Variants in VPS13B observed in about 807,000 individuals in gnomAD.
The protein encoded by VPS13B is vacuolar protein sorting 13 homolog B, also known as intermembrane lipid transfer protein VPS13B.
VPS13B carries 285 observed loss-of-function variants against 426.4 expected under a neutral mutation model. The observed-to-expected ratio is 0.67, with a 90% confidence interval of 0.61 to 0.74. The LOEUF is 0.74. Ranked by LOEUF, VPS13B falls within the 30% of genes least tolerant of loss-of-function variation. The pLI is 0.00. For synonymous variants in VPS13B, 1,676 were observed against 1,676.4 expected, an observed-to-expected ratio of 1.00 and a Z score of 0.01; for missense variants, 4,537 against 4,782.6, an observed-to-expected ratio of 0.95 and a Z score of 1.51.
chr8:99,835,350 A>G (rs1815331901), intron 53 of VPS13B, 26 bp downstream of exon 53: 19 of 1,595,478 alleles, frequency 1.2e-5, no homozygotes, highest in Non-Finnish European at 1.6e-5. Flanking sequence ...TCGAATTTAG[A>G]TAATACTAAA....
chr8:99,656,009 A>G (rs1830006323), intron 34 of VPS13B, among the ~76,000 whole-genome samples: 1 of 152,226 alleles, frequency 6.6e-6, no homozygotes, highest in Admixed American at 6.5e-5. Context: ...ATGCAGTCTT[A>G]ATCAAGTCTT....
At chr8:99,786,841 T>C (rs1186084552) in intron 43 of VPS13B, among the ~76,000 whole-genome samples, 2 of 152,078 alleles carry the variant, frequency 1.3e-5, no homozygotes, top group African/African-American at 4.8e-5. Flanking sequence ...CCAGAAGCCT[T>C]AATGGGCCCA....
intron 20 of VPS13B, chr8:99,389,855 A>C (rs1411061399): frequency 6.6e-6 from 1 of 152,154 alleles, no homozygotes; most frequent in African/African-American, 2.4e-5. Context: ...AATTCAAAGG[A>C]TTATGGAGTC....
At chr8:99,362,174 G>A (rs1233906654) in intron 19 of VPS13B, among the ~76,000 whole-genome samples, 2 of 128,578 alleles carry the variant, frequency 1.6e-5, no homozygotes, top group Non-Finnish European at 3.1e-5. Flanking sequence ...ACGGAGTCTC[G>A]CTCTGTCGCC....
intron 19 of VPS13B, among the ~76,000 whole-genome samples, chr8:99,350,288 A>T (rs548055158): frequency 3.9e-5 from 6 of 152,322 alleles, no homozygotes; most frequent in African/African-American, 1.4e-4. Context: ...TGTTCCGTGT[A>T]AGGTTTCAGG....
At chr8:99,602,667 T>TAA (rs1459056792) in intron 33 of VPS13B, among the ~76,000 whole-genome samples, 3 of 152,210 alleles carry the variant, frequency 2.0e-5, no homozygotes, top group Non-Finnish European at 4.4e-5. Flanking sequence ...CTTAAGCTGA[T>TAA]AAGCAACTTC....
At chr8:99,033,822 G>T (rs1324379879) in intron 2 of VPS13B, among the ~76,000 whole-genome samples, 4 of 152,004 alleles carry the variant, frequency 2.6e-5, no homozygotes, top group African/African-American at 9.7e-5. Context: ...TTTGAACCCG[G>T]GAGGCAGAGG....
intron 35 of VPS13B, among the ~76,000 whole-genome samples, chr8:99,675,338 A>G (rs1199951105): frequency 6.6e-6 from 1 of 152,020 alleles, no homozygotes; most frequent in East Asian, 1.9e-4. Flanking sequence ...ATATCCTTCT[A>G]TATTCTTTGC....
rs147448147 is a variant in VPS13B at position 99,134,714 on chromosome 8, G to T, written c.1289G>T (p.Gly430Val). 1.4e-5 allele frequency: 22 copies of T among 1,607,748 alleles called. No homozygotes were observed. The highest frequency in any genetic ancestry group is 1.8e-5 in the Non-Finnish European group (21 of 1,176,102). The change falls in exon 9 of 62, where the codon GGA becomes GTA. Residue 430 changes from glycine (G) to valine (V), a missense_variant. By Grantham distance (109) the Gly-to-Val change is moderately radical (BLOSUM62 -3). This residue lies in a region of VPS13B where 4,311 missense variants were observed against 4,474.3 expected (regional missense o/e 0.96). Coordinates refer to ENST00000357162, the MANE Select transcript of VPS13B (RefSeq NM_152564.5). ...GAAGTATTGTGTTGGGAACAAGAAG[G>T]AACTACAGTTGAGGTAATCTTTCAA... is the stretch of plus-strand genomic sequence containing the variant. ...SKEVLCWEQE[G>V]TTVEALMMGE... is the part of the protein sequence containing the mutation.
chr8:99,178,708 A>G (rs190961032), intron 16 of VPS13B, among the ~76,000 whole-genome samples: 42 of 151,852 alleles, frequency 2.8e-4, no homozygotes, highest in African/African-American at 4.3e-4. Flanking sequence ...TGCAACCTCT[A>G]TCTCCTGGGT....
chr8:99,804,843 T>G (rs964147090), intron 43 of VPS13B, among the ~76,000 whole-genome samples: 38 of 151,550 alleles, frequency 2.5e-4, no homozygotes, highest in African/African-American at 9.2e-4. Flanking sequence ...AATAGAAAAA[T>G]TTGAAAAAGC....
At chr8:99,496,404 C>G (rs1820886155) in intron 25 of VPS13B, among the ~76,000 whole-genome samples, 1 of 152,176 alleles carries the variant, frequency 6.6e-6, no homozygotes, top group Admixed American at 6.5e-5. Context: ...GTAATCCCAG[C>G]ACTTTGGGAG....
chr8:99,708,790 T>A (rs1434940988), intron 36 of VPS13B, among the ~76,000 whole-genome samples: 3 of 152,056 alleles, frequency 2.0e-5, no homozygotes, highest in Non-Finnish European at 4.4e-5. Context: ...TCTTCCTGTA[T>A]TTTAGTTTAC....
At chr8:99,358,640 G>A (rs906314753) in intron 19 of VPS13B, among the ~76,000 whole-genome samples, 1 of 152,176 alleles carries the variant, frequency 6.6e-6, no homozygotes, top group Admixed American at 6.5e-5. Context: ...ACTAGAGATT[G>A]TTTCAGTTGG....
At chr8:99,224,644 G>GA (rs1482503304) in intron 17 of VPS13B, among the ~76,000 whole-genome samples, 1 of 152,096 alleles carries the variant, frequency 6.6e-6, no homozygotes, top group African/African-American at 2.4e-5. Flanking sequence ...AACATTAAAG[G>GA]AAATCATAAA....
intron 30 of VPS13B, among the ~76,000 whole-genome samples, chr8:99,525,499 G>A (rs559889962): frequency 1.3e-5 from 2 of 152,202 alleles, no homozygotes; most frequent in African/African-American, 4.8e-5. Context: ...TTAAATCAGT[G>A]GATGTTACAA....
chr8:99,592,093 C>T (rs1826713372), intron 33 of VPS13B, among the ~76,000 whole-genome samples: 1 of 151,620 alleles, frequency 6.6e-6, no homozygotes, highest in African/African-American at 2.4e-5. Context: ...CCTTTTCTTC[C>T]ACTTGATTGA....
intron 2 of VPS13B, among the ~76,000 whole-genome samples, chr8:99,018,480 C>T (rs893271627): frequency 2.0e-5 from 3 of 152,226 alleles, no homozygotes; most frequent in Non-Finnish European, 4.4e-5. Flanking sequence ...TCCAGTGGCC[C>T]AACTTGTCTA....
chr8:99,799,235 G>T (rs74749443), intron 43 of VPS13B: 1 of 152,146 alleles, frequency 6.6e-6, no homozygotes, highest in African/African-American at 2.4e-5. Context: ...TGATAATTCC[G>T]GACTTGCCAA....
Sources: gnomAD v4.1 joint callset for allele counts (sites outside exome capture counted in the v4.1 genomes callset) on GRCh38, gnomAD v4.1.1 for gene constraint, gnomAD v4.1.1 regional missense constraint, MANE v1.5 for transcripts, NCBI Gene and HGNC (gene_info 2026-07-23, HGNC 2026-07-21) for gene names.